The following WASF1 variants were observed in gnomAD, a reference collection of about 807,000 sequenced individuals.
WASF1 encodes actin-binding protein WASF1.
Under a neutral mutation model 50.5 loss-of-function variants are expected in WASF1, and 7 were observed. The ratio of observed to expected loss-of-function variants is 0.14; its 90% CI spans 0.08 to 0.26. The LOEUF (loss-of-function observed/expected upper bound fraction) is 0.26, where lower values mean the gene tolerates loss of function less well. WASF1 is among the 10% of genes least tolerant of loss of function. The pLI, the probability that WASF1 is intolerant of heterozygous loss-of-function variation, is 1.00. For synonymous variants in WASF1, 205 were observed against 244.0 expected (o/e 0.84, Z 1.49); for missense variants, 470 against 694.7 (o/e 0.68, Z 3.64).
At chr6:110,169,542 A>G (rs1232005419) in intron 2 of WASF1, among the ~76,000 whole-genome samples, 1 of 152,054 alleles carries the variant, frequency 6.6e-6, no homozygotes, top group African/African-American at 2.4e-5. Context: ...TTTTCATTCA[A>G]CTCCTTTGAT....
Position 110,178,673 on chromosome 6 carries a change from T to C in WASF1, c.-202A>G, listed in dbSNP as rs2114637357. ...ATGTTGAGATCGGATGTGCTTTCTTTCATCGTTATTCCAGTTCATCATCCG... is the reference window on the plus strand; with the variant it reads ...ATGTTGAGATCGGATGTGCTTTCTTCCATCGTTATTCCAGTTCATCATCCG... On this transcript the variant is annotated 5_prime_UTR_variant, in exon 2 of 11. Transcript: ENST00000392589. 1 of 152,832 alleles carries C rather than the reference T, an allele frequency of 6.5e-6. No homozygotes were observed. Among genetic ancestry groups the C allele is most frequent in the Admixed American group, 6.5e-5 (1 of 15,312 alleles). The allele number at this position is 152,832 out of a possible 1,614,324, so 9.5% of individuals were successfully genotyped here.
chr6:110,178,435 T>C (rs1328889980), intron 2 of WASF1, among the ~76,000 whole-genome samples, 163 bp downstream of exon 2: 2 of 152,158 alleles, frequency 1.3e-5, no homozygotes, highest in African/African-American at 2.4e-5. Context: ...TTAAGAACAT[T>C]AGACGGATTG....
At chr6:110,130,031 AT>A (rs534820564) in intron 3 of WASF1, among the ~76,000 whole-genome samples, 7 of 152,384 alleles carry the variant, frequency 4.6e-5, no homozygotes, top group Non-Finnish European at 8.8e-5. Context: ...GAGACAATTT[AT>A]TAATTACTGA....
chr6:110,174,137 C>T (rs545198536), intron 2 of WASF1, among the ~76,000 whole-genome samples: 1 of 152,262 alleles, frequency 6.6e-6, no homozygotes, highest in South Asian at 2.1e-4. Flanking sequence ...ATCCCTCTTA[C>T]ACTAAGCTTT....
chr6:110,171,194 C>T (rs922195834), intron 2 of WASF1, among the ~76,000 whole-genome samples: 1 of 152,180 alleles, frequency 6.6e-6, no homozygotes, highest in South Asian at 2.1e-4. Context: ...TAAAACACAC[C>T]TGAAAAAATT....
At chr6:110,147,281 G>C (rs1175639568) in intron 3 of WASF1, among the ~76,000 whole-genome samples, 2 of 151,006 alleles carry the variant, frequency 1.3e-5, no homozygotes, top group African/African-American at 4.9e-5. Context: ...GGGAGGCGGA[G>C]CTTGCAGTGA....
intron 4 of WASF1, among the ~76,000 whole-genome samples, chr6:110,117,485 C>A (rs1322371089): frequency 6.6e-6 from 1 of 152,074 alleles, no homozygotes; most frequent in Admixed American, 6.6e-5. Context: ...AAGAAACAAA[C>A]AAAGCCTCCA....
rs141059344 is a variant in WASF1 at position 110,154,218 on chromosome 6, T to C, written c.-29+6417A>G. ...CAACATAATTCTCAATGTTTTTATT[T>C]TGTGGTCTATATACCTAATACAATA... On this transcript the variant is annotated intron_variant, in intron 3 of 10. Transcript: ENST00000392589. Among the ~76,000 whole-genome samples, 64 of 152,272 alleles carry C rather than the reference T, an allele frequency of 4.2e-4. 1 individual carries two copies. In the East Asian group the frequency reaches 0.012, roughly 28 times the overall value.
intron 4 of WASF1, 37 bp from the exon 5 acceptor site, chr6:110,113,497 A>G (rs1773660009): frequency 2.6e-6 from 4 of 1,539,304 alleles, no homozygotes; most frequent in Admixed American, 2.0e-5. Flanking sequence ...AAAATTTAAC[A>G]TCCAGAGCAC....
intron 2 of WASF1, among the ~76,000 whole-genome samples, chr6:110,163,840 A>G (rs1776361432): frequency 1.3e-5 from 2 of 151,606 alleles, no homozygotes; most frequent in African/African-American, 4.8e-5. Context: ...GGTAATCAAG[A>G]CAGTGTAGTT....
intron 2 of WASF1, among the ~76,000 whole-genome samples, chr6:110,171,302 T>C (rs543540947): frequency 1.3e-5 from 2 of 152,204 alleles, no homozygotes; most frequent in South Asian, 2.1e-4. Flanking sequence ...CTCAAAACAT[T>C]TGGAGATTAA....
At chr6:110,139,730 G>A (rs1435242794) in intron 3 of WASF1, among the ~76,000 whole-genome samples, 1 of 152,072 alleles carries the variant, frequency 6.6e-6, no homozygotes, top group African/African-American at 2.4e-5. Context: ...ATCCATGGAG[G>A]ATACATTCCA....
chr6:110,128,254 T>A (rs1384714542), intron 3 of WASF1, among the ~76,000 whole-genome samples: 1 of 152,210 alleles, frequency 6.6e-6, no homozygotes, highest in African/African-American at 2.4e-5. Flanking sequence ...TTGCTTTCAA[T>A]GTCAGCTGCT....
chr6:110,117,458 G>T (rs1053888387), intron 4 of WASF1, among the ~76,000 whole-genome samples: 21 of 151,910 alleles, frequency 1.4e-4, no homozygotes, highest in Admixed American at 1.0e-3. Flanking sequence ...GAAAAGATCA[G>T]ATAAAAAAAG....
intron 3 of WASF1, among the ~76,000 whole-genome samples, chr6:110,154,711 TTATA>T (rs1215063234): frequency 6.6e-6 from 1 of 152,088 alleles, no homozygotes; most frequent in African/African-American, 2.4e-5. Flanking sequence ...ATATTTTACT[TTATA>T]TAGGAACAAA....
chr6:110,163,200 C>T (rs1026726814), intron 2 of WASF1, among the ~76,000 whole-genome samples: 3 of 151,506 alleles, frequency 2.0e-5, no homozygotes, highest in Non-Finnish European at 4.4e-5. Flanking sequence ...AGAAAAACTA[C>T]AAAACTCTGA....
In WASF1 at chr6:110,104,708, G is replaced by C. The variant is rs142618128; in HGVS notation, c.713+699C>G. Among the ~76,000 whole-genome samples, 1,108 of 152,258 alleles carry C rather than the reference G, an allele frequency of 7.3e-3. 14 individuals carry two copies. Among genetic ancestry groups the C allele is most frequent in the African/African-American group, 0.025 (1,037 of 41,548 alleles). On this transcript the variant is annotated intron_variant, in intron 8 of 10. Transcript: ENST00000392589. The stretch of plus-strand genomic sequence containing the variant: ...GGAGGCTGAGGTGGGAGAATCGCTT[G>C]AACCCAGGAGGCAGAGGTTGCAGTG...
At chr6:110,130,247 A>C (rs1433939391) in intron 3 of WASF1, among the ~76,000 whole-genome samples, 1 of 152,186 alleles carries the variant, frequency 6.6e-6, no homozygotes, top group Non-Finnish European at 1.5e-5. Flanking sequence ...CACCTCAAAA[A>C]TTTAACCAAA....
At chr6:110,138,405 A>G (rs1775065599) in intron 3 of WASF1, among the ~76,000 whole-genome samples, 1 of 152,246 alleles carries the variant, frequency 6.6e-6, no homozygotes, top group Non-Finnish European at 1.5e-5. Flanking sequence ...CATTGCCTGC[A>G]ATGTGGCAAG....
Sources: gnomAD v4.1 joint callset for allele counts (sites outside exome capture counted in the v4.1 genomes callset) on GRCh38, gnomAD v4.1.1 for gene constraint, MANE v1.5 for transcripts, NCBI Gene and HGNC (gene_info 2026-07-23, HGNC 2026-07-21) for gene names.